The following BIN2 variants were observed in gnomAD, a reference collection of about 807,000 sequenced individuals.
BIN2 encodes bridging integrator 2, also known as breast cancer associated protein BRAP1.
In BIN2, 43 loss-of-function variants were observed where a neutral mutation model predicts 67.9. The observed-to-expected ratio is 0.63, with a 90% confidence interval of 0.50 to 0.82. BIN2 has a LOEUF of 0.82. Ranked by LOEUF, BIN2 falls within the 40% of genes least tolerant of loss-of-function variation. The pLI, the probability that BIN2 is intolerant of heterozygous loss-of-function variation, is 0.00. For synonymous variants in BIN2, 244 were observed against 246.8 expected (o/e 0.99, Z 0.11); for missense variants, 581 against 671.6 (o/e 0.87, Z 1.49).
At position 51,297,952 on chromosome 12, in the gene BIN2, A is replaced by T. The variant is rs557892345; in HGVS notation, c.603-788T>A. 5.9e-5 allele frequency among the ~76,000 whole-genome samples: 9 copies of T among 152,286 alleles called. No individual in the cohort carries two copies. In the South Asian group the frequency reaches 1.5e-3, roughly 25 times the overall value. On this transcript the variant is annotated intron_variant, in intron 7 of 12. Transcript: ENST00000615107. Reference sequence around the variant, plus strand: ...TATACTTTTAAAGAAACTGTATTAAATTTCATTTCTAGGCCAGGCACGGTG... The same window carrying T: ...TATACTTTTAAAGAAACTGTATTAATTTTCATTTCTAGGCCAGGCACGGTG...
intron 7 of BIN2, among the ~76,000 whole-genome samples, chr12:51,297,974 G>A (rs767637561): frequency 5.3e-5 from 8 of 152,164 alleles, no homozygotes; most frequent in Non-Finnish European, 1.2e-4. Context: ...GGCCAGGCAC[G>A]GTGGCTCATG....
chr12:51,312,196 T>G (rs9805132), intron 2 of BIN2, among the ~76,000 whole-genome samples: 1,543 of 152,326 alleles, frequency 0.01, 28 homozygotes, highest in African/African-American at 0.036. Context: ...CATGCTTATT[T>G]GCCTGATAAG....
chr12:51,306,955 T>C (rs1017477287), intron 2 of BIN2, among the ~76,000 whole-genome samples: 2 of 152,186 alleles, frequency 1.3e-5, no homozygotes, highest in African/African-American at 2.4e-5. Context: ...ATCAAGATTT[T>C]AAAGAGCCTT....
intron 2 of BIN2, among the ~76,000 whole-genome samples, chr12:51,305,791 CA>C (rs1945850549): frequency 7.0e-6 from 1 of 141,926 alleles, no homozygotes; most frequent in African/African-American, 2.7e-5. Context: ...TTATTTCATC[CA>C]TTTTTTTTGC....
At chr12:51,312,524 G>C (rs1302096476) in intron 2 of BIN2, among the ~76,000 whole-genome samples, 1 of 152,070 alleles carries the variant, frequency 6.6e-6, no homozygotes, top group Non-Finnish European at 1.5e-5. Flanking sequence ...GCCTCCCTCT[G>C]TTCGTTACTT....
In BIN2 at chr12:51,288,133, T is replaced by G. The variant is rs1213974652; in HGVS notation, c.1571A>C (p.Lys524Thr). 6.2e-7 allele frequency: 1 copy of G among 1,613,768 alleles called. No individual in the cohort carries two copies. The highest frequency in any genetic ancestry group is 1.3e-5 in the African/African-American group (1 of 74,924). The change falls in exon 11 of 13, where the codon AAG becomes ACG. Residue 524 changes from lysine (K) to threonine (T), a missense_variant. Lys to Thr is a moderately conservative substitution (Grantham distance 78, BLOSUM62 -1). Coordinates refer to ENST00000615107, the MANE Select transcript of BIN2 (RefSeq NM_016293.4). ...KKMEDKEKDNKLISANSSEGQ... is the reference protein window; with the variant it reads ...KKMEDKEKDNTLISANSSEGQ... ...CTCCGAGGAGTTAGCTGAGATAAGC[T>G]TATTATCCTTTTCCTTGTCTTCCAT... is the stretch of plus-strand genomic sequence containing the variant.
intron 1 of BIN2, among the ~76,000 whole-genome samples, chr12:51,320,217 G>A (rs544888447): frequency 2.6e-5 from 4 of 152,248 alleles, no homozygotes; most frequent in East Asian, 3.9e-4. Context: ...CTGGGATTTC[G>A]CCACATTGGC....
rs1415148210 is a variant in BIN2 at position 51,288,117 on chromosome 12, G to A, written c.1587C>T (p.Asn529=). 6.2e-7 allele frequency: 1 copy of A among 1,612,752 alleles called. No homozygotes were observed. Among genetic ancestry groups the A allele is most frequent in the Non-Finnish European group, 8.5e-7 (1 of 1,178,954 alleles). Residue 529 remains asparagine (N), a synonymous_variant, in exon 11 of 13, where the codon AAC becomes AAT. Coordinates refer to ENST00000615107, the MANE Select transcript of BIN2 (RefSeq NM_016293.4). ...KEKDNKLISA[N]SSEGQDQLQV... ...CTTAGGCTTTTAGTACCTCCGAGGA[G>A]TTAGCTGAGATAAGCTTATTATCCT...
Position 51,324,167 on chromosome 12 carries a change from G to C in BIN2, c.-65C>G. 6.3e-7 allele frequency: 1 copy of C among 1,593,528 alleles called. No individual in the cohort carries two copies. The highest frequency in any genetic ancestry group is 8.5e-7 in the Non-Finnish European group (1 of 1,171,588). ...CCTGTGGTTTTCTGAGGCCCCCGAGGAGGAAGTGCGGGCTCCCGGCATGCC... is the reference window on the plus strand; with the variant it reads ...CCTGTGGTTTTCTGAGGCCCCCGAGCAGGAAGTGCGGGCTCCCGGCATGCC... On this transcript the variant is annotated 5_prime_UTR_variant, in exon 1 of 13. Coordinates refer to ENST00000615107, the MANE Select transcript of BIN2 (RefSeq NM_016293.4).
At chr12:51,311,672 T>C (rs1945999587) in intron 2 of BIN2, among the ~76,000 whole-genome samples, 1 of 152,160 alleles carries the variant, frequency 6.6e-6, no homozygotes, top group South Asian at 2.1e-4. Flanking sequence ...TAAGCCACCA[T>C]GCCTGGCCAA....
At chr12:51,324,498 A>G (rs1486024689), upstream of BIN2, 5 of 1,530,520 alleles carry the variant, frequency 3.3e-6, no homozygotes, top group African/African-American at 4.1e-5. Flanking sequence ...GGTTCCACTC[A>G]GCGAGAGGAC....
chr12:51,321,212 G>C (rs1946271628), intron 1 of BIN2, among the ~76,000 whole-genome samples: 1 of 152,170 alleles, frequency 6.6e-6, no homozygotes, highest in South Asian at 2.1e-4. Context: ...GCAGCAGCCT[G>C]AGTGAGGTTA....
At chr12:51,297,869 A>T (rs1945611906) in intron 7 of BIN2, among the ~76,000 whole-genome samples, 1 of 152,200 alleles carries the variant, frequency 6.6e-6, no homozygotes, top group African/African-American at 2.4e-5. Context: ...GCAATACAGG[A>T]TGACTTCTGC....
intron 5 of BIN2, among the ~76,000 whole-genome samples, chr12:51,301,185 T>G (rs568376736): frequency 6.6e-6 from 1 of 151,354 alleles, no homozygotes; most frequent in South Asian, 2.1e-4. Context: ...GCCATTGCAC[T>G]CCACCCTGGG....
At position 51,299,302 on chromosome 12, in the gene BIN2, G is replaced by A; in HGVS notation, c.517-14C>T. 1 of 1,607,312 alleles carries A rather than the reference G, an allele frequency of 6.2e-7. No homozygotes were observed. Among genetic ancestry groups the A allele is most frequent in the Non-Finnish European group, 8.5e-7 (1 of 1,173,898 alleles). ...CTCTTCCTCTGCCTAGGTGGTAAAAGAGACAAGACAATCTCCCTCAATTCT... is the reference window on the plus strand; with the variant it reads ...CTCTTCCTCTGCCTAGGTGGTAAAAAAGACAAGACAATCTCCCTCAATTCT... On this transcript the variant is annotated splice_polypyrimidine_tract_variant and intron_variant, in intron 6 of 12. Transcript: ENST00000615107.
chr12:51,281,830 C>G (rs541965337), intron 12 of BIN2, among the ~76,000 whole-genome samples: 1 of 152,166 alleles, frequency 6.6e-6, no homozygotes, highest in East Asian at 1.9e-4. Flanking sequence ...TCATAGCTAA[C>G]TGTAGCCTTG....
intron 12 of BIN2, 132 bp from the exon 13 acceptor site, chr12:51,281,660 A>G (rs77580094): frequency 0.031 from 26,551 of 843,576 alleles, 509 homozygotes; most frequent in Non-Finnish European, 0.04. Flanking sequence ...GAGGGAGGCA[A>G]TGTGAAACTG....
upstream of BIN2, chr12:51,324,263 A>G (rs1425693788): frequency 3.5e-6 from 5 of 1,420,998 alleles, no homozygotes; most frequent in East Asian, 1.3e-4. Context: ...CCCTCAGCCC[A>G]CCACTGTCAG....
intron 1 of BIN2, among the ~76,000 whole-genome samples, chr12:51,320,950 CACAA>C (rs1946259907): frequency 6.6e-6 from 1 of 151,450 alleles, no homozygotes; most frequent in Non-Finnish European, 1.5e-5. Context: ...CACACACACA[CACAA>C]ACACACACAC....
Sources: allele counts gnomAD v4.1 joint callset (sites outside exome capture counted in the v4.1 genomes callset), GRCh38; gene constraint gnomAD v4.1.1; transcripts MANE v1.5; gene names NCBI Gene and HGNC (gene_info 2026-07-23, HGNC 2026-07-21).